The following NAV3 variants were observed in gnomAD, a reference collection of about 807,000 sequenced individuals.
The protein encoded by NAV3 is pore membrane and/or filament interacting like protein 1.
Under a neutral mutation model 244.7 loss-of-function variants are expected in NAV3, and 87 were observed. The ratio of observed to expected loss-of-function variants is 0.36; its 90% CI spans 0.30 to 0.42. NAV3 has a LOEUF of 0.42. Ranked by LOEUF, NAV3 falls within the 20% of genes least tolerant of loss-of-function variation. NAV3 has a pLI of 1.00. For missense variants in NAV3, 2,663 were observed against 2,893.3 expected (o/e 0.92, Z 1.83); for synonymous variants, 1,126 against 1,042.2 (o/e 1.08, Z -1.55).
At chr12:77,951,526 C>A (rs1890880266) in intron 3 of NAV3, among the ~76,000 whole-genome samples, 1 of 152,154 alleles carries the variant, frequency 6.6e-6, no homozygotes, top group Non-Finnish European at 1.5e-5. Context: ...GCTCAAGGAT[C>A]TGGAACTAGA....
chr12:78,140,615 A>T (rs1667081), intron 20 of NAV3, among the ~76,000 whole-genome samples: 4 of 151,906 alleles, frequency 2.6e-5, no homozygotes, highest in Non-Finnish European at 4.4e-5. Flanking sequence ...CTGAGGTATG[A>T]CTTGGAGTCT....
At chr12:77,857,408 C>T (rs564588224) in intron 1 of NAV3, among the ~76,000 whole-genome samples, 4 of 151,624 alleles carry the variant, frequency 2.6e-5, no homozygotes, top group African/African-American at 9.7e-5. Context: ...TTAGTGTTAA[C>T]GGTTGCATTG....
chr12:77,794,701 G>T (rs142867907), intron 2 of NAV3, among the ~76,000 whole-genome samples: 115 of 152,200 alleles, frequency 7.6e-4, no homozygotes, highest in African/African-American at 2.7e-3. Context: ...GCTCACTTTT[G>T]TCTCTATATG....
At chr12:78,028,994 G>T (rs1878530189) in intron 9 of NAV3, among the ~76,000 whole-genome samples, 1 of 152,132 alleles carries the variant, frequency 6.6e-6, no homozygotes. Context: ...AAGGAGTTTA[G>T]CATGAAGGAT....
intron 2 of NAV3, among the ~76,000 whole-genome samples, chr12:77,685,991 T>G (rs147641616): frequency 0.01 from 1,575 of 152,276 alleles, 11 homozygotes; most frequent in Middle Eastern, 0.037. Flanking sequence ...AGTGTCTAGT[T>G]TTTGAAAGCT....
At chr12:77,622,182 CAG>C (rs148090069) in intron 2 of NAV3, among the ~76,000 whole-genome samples, 8,687 of 151,972 alleles carry the variant, frequency 0.057, 300 homozygotes, top group East Asian at 0.11. Context: ...TTTTTTGAGA[CAG>C]AGTCTCACCC....
At chr12:77,698,181 C>T (rs1875397831) in intron 2 of NAV3, among the ~76,000 whole-genome samples, 2 of 152,134 alleles carry the variant, frequency 1.3e-5, no homozygotes, top group South Asian at 4.1e-4. Flanking sequence ...ACCTGCCTGT[C>T]ATTCAGCTGC....
Position 78,137,216 on chromosome 12 carries a change from C to T in NAV3, c.4481C>T (p.Pro1494Leu), listed in dbSNP as rs1325756295. Reference sequence around the variant, plus strand: ...TTGTCTCAGTTTAACCTTCCCGGGCCCAGCATGATGCGCTCAAACAGCATC... The same window carrying T: ...TTGTCTCAGTTTAACCTTCCCGGGCTCAGCATGATGCGCTCAAACAGCATC... ...TNLSQFNLPG[P>L]SMMRSNSIPA... The change falls in exon 19 of 40, where the codon CCC becomes CTC. Residue 1494 changes from proline to leucine, a missense_variant. By Grantham distance (98) the Pro-to-Leu change is moderately conservative. This residue lies in a region of NAV3 where 354 missense variants were observed against 413.0 expected (regional missense o/e 0.86). Coordinates refer to ENST00000397909, the MANE Select transcript of NAV3 (RefSeq NM_001024383.2). The T allele has an allele frequency of 3.1e-6, 5 of 1,612,800 alleles. No individual in the cohort carries two copies. Among genetic ancestry groups the T allele is most frequent in the Non-Finnish European group, 3.4e-6 (4 of 1,179,396 alleles).
At chr12:77,585,727 G>C (rs957642638) in intron 2 of NAV3, among the ~76,000 whole-genome samples, 2 of 152,174 alleles carry the variant, frequency 1.3e-5, no homozygotes, top group Non-Finnish European at 2.9e-5. Flanking sequence ...CTGTCACTCA[G>C]CTCCTGCTGT....
intron 2 of NAV3, among the ~76,000 whole-genome samples, chr12:77,823,480 G>C (rs1233191080): frequency 2.0e-5 from 3 of 152,196 alleles, no homozygotes; most frequent in Non-Finnish European, 4.4e-5. Flanking sequence ...ACAAGGTTGG[G>C]AATAGTTGAC....
intron 2 of NAV3, among the ~76,000 whole-genome samples, chr12:77,824,160 G>T (rs1032418132): frequency 6.6e-6 from 1 of 151,648 alleles, no homozygotes; most frequent in Non-Finnish European, 1.5e-5. Flanking sequence ...TGCAACCTCC[G>T]CCTCTCGGGT....
intron 12 of NAV3, among the ~76,000 whole-genome samples, chr12:78,080,215 A>G (rs987328124): frequency 1.3e-5 from 2 of 152,208 alleles, no homozygotes; most frequent in Non-Finnish European, 2.9e-5. Flanking sequence ...GGTCTGATTG[A>G]GACACAAAGT....
At chr12:77,750,004 A>C (rs1868760067) in intron 2 of NAV3, among the ~76,000 whole-genome samples, 1 of 152,222 alleles carries the variant, frequency 6.6e-6, no homozygotes, top group Admixed American at 6.5e-5. Flanking sequence ...CAATAAAGTC[A>C]AAGATGCCAA....
In NAV3 at chr12:77,774,304, G is replaced by A. The variant is rs79298922; in HGVS notation, c.73-166015G>A. Among the ~76,000 whole-genome samples the A allele has an allele frequency of 1.3e-4, 20 of 152,206 alleles. No individual in the cohort carries two copies. In the East Asian group the frequency reaches 3.7e-3, roughly 28 times the overall value. On this transcript the variant is annotated intron_variant, in intron 2 of 8. Transcript: ENST00000550042. ...TTCAGTCCTTGCCTTCCTTTGATCC[G>A]CTTCCATGAAGCAGTAGGATGGACT... is the stretch of plus-strand genomic sequence containing the variant.
At chr12:77,935,529 G>C (rs1437200438) in intron 1 of NAV3, among the ~76,000 whole-genome samples, 1 of 152,082 alleles carries the variant, frequency 6.6e-6, no homozygotes, top group African/African-American at 2.4e-5. Flanking sequence ...TATTTCTCAT[G>C]GTTAATGGAA....
chr12:78,205,115 A>G lies in NAV3; in HGVS notation c.7015A>G (p.Thr2339Ala), dbSNP rs752315251. Residue 2339 changes from threonine (T) to alanine (A), a missense_variant, in exon 39 of 40, where the codon ACT (threonine) becomes GCT (alanine). This residue lies in a region of NAV3 where 543 missense variants were observed against 672.4 expected (regional missense o/e 0.81). Coordinates refer to ENST00000397909, the MANE Select transcript of NAV3 (RefSeq NM_001024383.2). The part of the protein sequence containing the change: ...EATTSKHIPQ[T>A]DTEGDPLMNM... ...CACAACCTCAAAGCACATTCCGCAA[A>G]CTGACACAGAAGGAGATCCCCTGGT... The G allele has an allele frequency of 2.1e-5, 34 of 1,613,194 alleles. No individual in the cohort carries two copies. The highest frequency in any genetic ancestry group is 1.7e-4 in the Admixed American group (10 of 59,838).
At chr12:77,632,623 A>G (rs1411037140) in intron 2 of NAV3, among the ~76,000 whole-genome samples, 1 of 152,156 alleles carries the variant, frequency 6.6e-6, no homozygotes, top group Non-Finnish European at 1.5e-5. Context: ...GAGATTTGAG[A>G]GGGGACACAG....
At chr12:77,876,405 G>A (rs1391816603) in intron 1 of NAV3, among the ~76,000 whole-genome samples, 2 of 152,034 alleles carry the variant, frequency 1.3e-5, no homozygotes, top group Non-Finnish European at 2.9e-5. Context: ...ATTTGAGATT[G>A]TTCATTAAAT....
chr12:78,034,673 A>G (rs987636246), intron 9 of NAV3, among the ~76,000 whole-genome samples: 1 of 152,232 alleles, frequency 6.6e-6, no homozygotes, highest in African/African-American at 2.4e-5. Flanking sequence ...ATACTAGTGT[A>G]ACAAATGTTA....
Sources: gnomAD v4.1 joint callset for allele counts (sites outside exome capture counted in the v4.1 genomes callset) on GRCh38, gnomAD v4.1.1 for gene constraint, gnomAD v4.1.1 regional missense constraint, MANE v1.5 for transcripts, NCBI Gene and HGNC (gene_info 2026-07-23, HGNC 2026-07-21) for gene names.